MYO1D: variants seen among roughly 807,000 people sequenced by gnomAD.
The protein encoded by MYO1D is unconventional myosin-Id.
Under a neutral mutation model 122.0 loss-of-function variants are expected in MYO1D, and 83 were observed. The observed-to-expected ratio is 0.68, with a 90% CI of 0.57 to 0.82. The LOEUF is 0.82. Ranked by LOEUF, MYO1D falls within the 40% of genes least tolerant of loss-of-function variation. The pLI is 0.00. For synonymous variants in MYO1D, 464 were observed against 446.9 expected, an observed-to-expected ratio of 1.04 and a Z score of -0.48; for missense variants, 1,157 against 1,269.5, an observed-to-expected ratio of 0.91 and a Z score of 1.35.
Position 32,760,647 on chromosome 17 carries a change from A to C in MYO1D, c.1036-20T>G, listed in dbSNP as rs2089992024. On this transcript the variant is annotated intron_variant, in intron 8 of 21. Coordinates refer to ENST00000318217, the MANE Select transcript of MYO1D (RefSeq NM_015194.3). The stretch of plus-strand genomic sequence containing the variant: ...TATTGCCTGCAAGGAAAATAGCATC[A>C]TAAATGCTTGCCAATTTGGGAATGA... 1 of 1,587,274 alleles carries C rather than the reference A, an allele frequency of 6.3e-7. No homozygotes were observed.
At chr17:32,599,979 G>T (rs544052620) in intron 21 of MYO1D, among the ~76,000 whole-genome samples, 1 of 152,170 alleles carries the variant, frequency 6.6e-6, no homozygotes, top group Non-Finnish European at 1.5e-5. Context: ...AAATAATCAG[G>T]CTTGAAAGTT....
rs1179251970 is a variant in MYO1D, at chr17:32,827,515, T to C, written c.96-46731A>G. 2.0e-5 allele frequency among the ~76,000 whole-genome samples: 3 copies of C among 152,334 alleles called. No individual in the cohort carries two copies. The East Asian group carries it at 5.8e-4, about 29-fold the overall frequency. ...ACAACAATGTGAATGTACTTAATGC[T>C]ACAGAAATACTGAACTGTACACTTA... On this transcript the variant is annotated intron_variant, in intron 1 of 21. Coordinates refer to ENST00000318217, the MANE Select transcript of MYO1D (RefSeq NM_015194.3).
intron 16 of MYO1D, among the ~76,000 whole-genome samples, chr17:32,677,057 G>A (rs1193695651): frequency 5.3e-5 from 8 of 152,064 alleles, no homozygotes; most frequent in African/African-American, 9.7e-5. Context: ...TGATCTGCCC[G>A]CTTCGGCCTC....
chr17:32,580,205 A>C (rs2087319158), intron 21 of MYO1D, among the ~76,000 whole-genome samples: 1 of 151,656 alleles, frequency 6.6e-6, no homozygotes, highest in Non-Finnish European at 1.5e-5. Context: ...TTCACCATTA[A>C]ATATGATATT....
At chr17:32,587,005 A>G (rs2087392363) in intron 21 of MYO1D, among the ~76,000 whole-genome samples, 1 of 152,168 alleles carries the variant, frequency 6.6e-6, no homozygotes, top group Non-Finnish European at 1.5e-5. Flanking sequence ...TGATGAAAAC[A>G]AGTTTCTTTA....
intron 16 of MYO1D, among the ~76,000 whole-genome samples, chr17:32,702,073 T>C (rs1598022142): frequency 6.6e-6 from 1 of 152,182 alleles, no homozygotes; most frequent in Non-Finnish European, 1.5e-5. Flanking sequence ...CTCCTCCCCA[T>C]AACATGCCTG....
chr17:32,662,964 C>T (rs1159673917), intron 16 of MYO1D, among the ~76,000 whole-genome samples: 2 of 148,200 alleles, frequency 1.3e-5, no homozygotes, highest in East Asian at 4.0e-4. Flanking sequence ...GTCACCCAGG[C>T]GAGAGTGCAG....
chr17:32,709,572 TA>T (rs555229778), intron 16 of MYO1D, among the ~76,000 whole-genome samples: 355 of 151,134 alleles, frequency 2.3e-3, no homozygotes, highest in African/African-American at 3.6e-3. Flanking sequence ...AAAGCAACAT[TA>T]AAAAAAAATT....
chr17:32,655,536 G>A (rs549079430), intron 17 of MYO1D, among the ~76,000 whole-genome samples: 3 of 152,288 alleles, frequency 2.0e-5, no homozygotes, highest in Admixed American at 2.0e-4. Flanking sequence ...CAGGCCGTGA[G>A]GGAGCTGGTC....
At chr17:32,531,671 C>T (rs1446538861) in intron 21 of MYO1D, among the ~76,000 whole-genome samples, 1 of 152,202 alleles carries the variant, frequency 6.6e-6, no homozygotes, top group African/African-American at 2.4e-5. Flanking sequence ...AAGGCATTAA[C>T]CTTTTGTGTG....
rs182099260 is a variant in MYO1D, at chr17:32,553,049, C to G, written c.2864+52038G>C. 3.5e-3 allele frequency among the ~76,000 whole-genome samples: 386 copies of G among 110,436 alleles called. 1 individual carries two copies. The highest frequency in any genetic ancestry group is 0.01 in the Middle Eastern group (1 of 100). 72.5% of individuals were successfully genotyped at this position (110,436 alleles called of 152,430 possible). A position where few individuals can be genotyped will look rare whatever the true frequency, so the allele number is the denominator to read the frequency against. On this transcript the variant is annotated intron_variant, in intron 21 of 21. Coordinates refer to ENST00000318217, the MANE Select transcript of MYO1D (RefSeq NM_015194.3). Reference sequence around the variant, plus strand: ...TCCAGGAGTTCAGGGCCAGTATGGGCAATATAGTGAGATGCCATTCTCTAA... The same window carrying G: ...TCCAGGAGTTCAGGGCCAGTATGGGGAATATAGTGAGATGCCATTCTCTAA...
At chr17:32,693,864 A>G (rs1023700269) in intron 16 of MYO1D, among the ~76,000 whole-genome samples, 1 of 152,228 alleles carries the variant, frequency 6.6e-6, no homozygotes, top group East Asian at 1.9e-4. Context: ...GTGGGAAGAG[A>G]AAAAAGGAGA....
intron 19 of MYO1D, 90 bp from the exon 20 acceptor site, chr17:32,638,925 G>T (rs1340373512): frequency 1.2e-6 from 1 of 851,016 alleles, no homozygotes; most frequent in Non-Finnish European, 2.0e-6. Flanking sequence ...TAATAGATGT[G>T]AACCATGTAT....
intron 1 of MYO1D, among the ~76,000 whole-genome samples, chr17:32,802,621 T>C (rs2090470154): frequency 6.6e-6 from 1 of 152,202 alleles, no homozygotes; most frequent in Admixed American, 6.5e-5. Context: ...AATTTCAAAC[T>C]TAAAAGTTGT....
intron 21 of MYO1D, among the ~76,000 whole-genome samples, chr17:32,601,816 A>G (rs2087565987): frequency 6.6e-6 from 1 of 152,268 alleles, no homozygotes; most frequent in South Asian, 2.1e-4. Context: ...AAGAACAGTA[A>G]GACGAGGTAT....
intron 1 of MYO1D, among the ~76,000 whole-genome samples, chr17:32,872,679 C>T (rs991156685): frequency 6.6e-6 from 1 of 151,688 alleles, no homozygotes; most frequent in Admixed American, 6.6e-5. Flanking sequence ...TCCAGACACA[C>T]ATCTAGGTCA....
intron 1 of MYO1D, among the ~76,000 whole-genome samples, chr17:32,781,138 A>T (rs888538812): frequency 6.6e-6 from 1 of 152,242 alleles, no homozygotes; most frequent in African/African-American, 2.4e-5. Context: ...AAGTTAAAGT[A>T]GATCTTGAAA....
At chr17:32,609,983 AT>A (rs2087679357) in intron 20 of MYO1D, among the ~76,000 whole-genome samples, 2 of 152,176 alleles carry the variant, frequency 1.3e-5, no homozygotes, top group Non-Finnish European at 2.9e-5. Context: ...TCATTTCATT[AT>A]TTTATATGTG....
intron 19 of MYO1D, 35 bp from the exon 20 acceptor site, chr17:32,638,870 C>G (rs749853298): frequency 7.1e-7 from 1 of 1,412,704 alleles, no homozygotes; most frequent in South Asian, 1.2e-5. Context: ...CATAGTATCT[C>G]ATCAATAAGG....
Sources: gnomAD v4.1 joint callset for allele counts (sites outside exome capture counted in the v4.1 genomes callset) on GRCh38, gnomAD v4.1.1 for gene constraint, MANE v1.5 for transcripts, NCBI Gene and HGNC (gene_info 2026-07-23, HGNC 2026-07-21) for gene names.